LNX1: variants seen among roughly 807,000 people sequenced by gnomAD.
LNX1 encodes ligand of numb-protein X 1.
A neutral mutation model predicts 68.4 loss-of-function variants in LNX1; 54 were observed. The ratio of observed to expected loss-of-function variants is 0.79; its 90% CI spans 0.63 to 0.99. The LOEUF is 0.99. Among genes scored for constraint, LNX1 ranks in the 50% least tolerant of loss-of-function variants. LNX1 has a pLI of 0.00. For missense variants in LNX1, 906 were observed against 926.4 expected, an observed-to-expected ratio of 0.98 and a Z score of 0.29; for synonymous variants, 336 against 350.0, an observed-to-expected ratio of 0.96 and a Z score of 0.45.
At chr4:53,574,156 T>C (rs1731344157) in intron 1 of LNX1, 68 bp from the exon 2 acceptor site, 3 of 1,186,358 alleles carry the variant, frequency 2.5e-6, no homozygotes, top group Non-Finnish European at 2.3e-6. Context: ...ATGGTAGACA[T>C]GAGACAGGGC....
intron 1 of LNX1, among the ~76,000 whole-genome samples, chr4:53,632,653 A>G (rs991453283): frequency 1.3e-5 from 2 of 152,080 alleles, no homozygotes; most frequent in Non-Finnish European, 1.5e-5. Flanking sequence ...TGCTAAGAAC[A>G]CTTCCCTGGT....
chr4:53,502,434 C>T (rs1221217144), intron 4 of LNX1, among the ~76,000 whole-genome samples: 1 of 152,174 alleles, frequency 6.6e-6, no homozygotes, highest in African/African-American at 2.4e-5. Flanking sequence ...TTAAAATGTA[C>T]ATATCTCAAT....
chr4:53,460,093 A>T lies in LNX1; in HGVS notation c.*814T>A, dbSNP rs1243380691. 1 of 200,044 alleles carries T rather than the reference A, an allele frequency of 5.0e-6. No homozygotes were observed. Among genetic ancestry groups the T allele is most frequent in the African/African-American group, 2.3e-5 (1 of 43,402 alleles). The allele number at this position is 200,044 out of a possible 1,614,324, so 12.4% of individuals were successfully genotyped here. A position where few individuals can be genotyped will look rare whatever the true frequency, so the allele number is the denominator to read the frequency against. The stretch of plus-strand genomic sequence containing the variant: ...ACCCATAGTGTAGTTTCTAGGAGGC[A>T]TGTGTACACACACTCTTCATTGTGG... On this transcript the variant is annotated 3_prime_UTR_variant, in exon 11 of 11. Coordinates refer to ENST00000263925, the MANE Select transcript of LNX1 (RefSeq NM_001126328.3).
At chr4:53,505,829 CAA>C (rs1231869601) in intron 4 of LNX1, among the ~76,000 whole-genome samples, 17 of 152,128 alleles carry the variant, frequency 1.1e-4, no homozygotes. Flanking sequence ...CAGGAGGAGG[CAA>C]AGTCTTACAC....
chr4:53,530,911 C>T (rs1727972615), intron 2 of LNX1, among the ~76,000 whole-genome samples: 1 of 152,126 alleles, frequency 6.6e-6, no homozygotes, highest in Non-Finnish European at 1.5e-5. Flanking sequence ...CACCTGTAAT[C>T]CCAGCACCCT....
chr4:53,636,937 G>A (rs530887152), intron 1 of LNX1, among the ~76,000 whole-genome samples: 2 of 151,388 alleles, frequency 1.3e-5, no homozygotes, highest in Admixed American at 1.3e-4. Context: ...GCAGACCGCA[G>A]GTTCCCTCCC....
At position 53,556,277 on chromosome 4, in the gene LNX1, C is replaced by G. The variant is rs575871303; in HGVS notation, c.380+17346G>C. Among the ~76,000 whole-genome samples the G allele has an allele frequency of 1.1e-3, 169 of 152,268 alleles. 1 individual carries two copies. The highest frequency in any genetic ancestry group is 3.9e-3 in the African/African-American group (163 of 41,540). ...AGCCAAGGAACACCTGCAGCACCCCCCTCCACAAAACTAGAAGAATGCAAG... is the reference window on the plus strand; with the variant it reads ...AGCCAAGGAACACCTGCAGCACCCCGCTCCACAAAACTAGAAGAATGCAAG... On this transcript the variant is annotated intron_variant, in intron 2 of 10. Transcript: ENST00000263925.
intron 1 of LNX1, among the ~76,000 whole-genome samples, chr4:53,627,883 AGGGTTTCAAT>A (rs997179851): frequency 7.2e-5 from 11 of 152,192 alleles, no homozygotes; most frequent in Non-Finnish European, 1.3e-4. Context: ...TTTGAAGATG[AGGGTTTCAAT>A]GGGATGAATG....
At chr4:53,476,679 A>C in intron 9 of LNX1, 74 bp downstream of exon 9, 1 of 1,243,566 alleles carries the variant, frequency 8.0e-7, no homozygotes, top group Non-Finnish European at 1.2e-6. Context: ...TCAGCCCTAG[A>C]GAGTGAAAGA....
intron 9 of LNX1, among the ~76,000 whole-genome samples, chr4:53,466,212 G>A (rs1271665713): frequency 6.6e-6 from 1 of 152,048 alleles, no homozygotes; most frequent in Non-Finnish European, 1.5e-5. Context: ...TTTCAGAAAA[G>A]GTATGTCTTG....
rs745818534 is a variant in LNX1, at chr4:53,476,819, G to A, written c.1826C>T (p.Ser609Phe). 3 of 1,614,078 alleles carry A rather than the reference G, an allele frequency of 1.9e-6. No homozygotes were observed. Among genetic ancestry groups the A allele is most frequent in the African/African-American group, 2.7e-5 (2 of 74,924 alleles). Residue 609 changes from serine to phenylalanine, a missense_variant, in exon 9 of 11, where the codon TCC becomes TTC. By Grantham distance (155) the Ser-to-Phe change is radical. Transcript: ENST00000263925. The part of the protein sequence containing the change: ...EDCSSPAALD[S>F]NHNMAPPSDW... ...ACTGGGTGGGGCCATGTTGTGGTTG[G>A]AGTCCAGGGCTGCTGGGCTGCTGCA...
chr4:53,533,754 T>C (rs1728181337), intron 2 of LNX1, among the ~76,000 whole-genome samples: 1 of 151,980 alleles, frequency 6.6e-6, no homozygotes, highest in Non-Finnish European at 1.5e-5. Context: ...ATGTAGGGGG[T>C]AGAGGACAGG....
At chr4:53,510,853 T>C (rs140269130) in intron 2 of LNX1, among the ~76,000 whole-genome samples, 2 of 152,336 alleles carry the variant, frequency 1.3e-5, no homozygotes, top group East Asian at 3.9e-4. Context: ...GTACAAGCCA[T>C]GGCTTTGTTG....
At chr4:53,537,504 A>C (rs996600866) in intron 2 of LNX1, among the ~76,000 whole-genome samples, 1 of 152,244 alleles carries the variant, frequency 6.6e-6, no homozygotes, top group African/African-American at 2.4e-5. Context: ...CTTTTATAGC[A>C]ATACACAGTG....
At chr4:53,634,342 C>T (rs1041172614) in intron 1 of LNX1, among the ~76,000 whole-genome samples, 1 of 150,970 alleles carries the variant, frequency 6.6e-6, no homozygotes, top group South Asian at 2.1e-4. Context: ...CTCCTAGGTT[C>T]AAGCAATTCT....
intron 2 of LNX1, among the ~76,000 whole-genome samples, chr4:53,534,553 G>A (rs1302908639): frequency 1.3e-5 from 2 of 152,080 alleles, no homozygotes; most frequent in African/African-American, 2.4e-5. Context: ...GAGGTGGGAG[G>A]ATCACTTAAA....
At chr4:53,550,964 T>C (rs986880812) in intron 2 of LNX1, among the ~76,000 whole-genome samples, 2 of 152,190 alleles carry the variant, frequency 1.3e-5, no homozygotes, top group Admixed American at 1.3e-4. Flanking sequence ...GGGTTTGATT[T>C]AAAGCTCTCT....
At chr4:53,478,120 G>C (rs758603680) in intron 8 of LNX1, among the ~76,000 whole-genome samples, 4 of 152,122 alleles carry the variant, frequency 2.6e-5, no homozygotes, top group Non-Finnish European at 4.4e-5. Flanking sequence ...AAAGTATCCA[G>C]CATGATACTT....
chr4:53,476,826 G>C lies in LNX1; in HGVS notation c.1819C>G (p.Leu607Val). ...PQEDCSSPAA[L>V]DSNHNMAPPS... ...GGGGCCATGTTGTGGTTGGAGTCCA[G>C]GGCTGCTGGGCTGCTGCAGTCTTCC... Residue 607 changes from leucine to valine, a missense_variant, in exon 9 of 11, where the codon CTG becomes GTG. Coordinates refer to ENST00000263925, the MANE Select transcript of LNX1 (RefSeq NM_001126328.3). 1 of 1,614,174 alleles carries C rather than the reference G, an allele frequency of 6.2e-7. No homozygotes were observed. Among genetic ancestry groups the C allele is most frequent in the Non-Finnish European group, 8.5e-7 (1 of 1,180,018 alleles).
Sources: gnomAD v4.1 joint callset for allele counts (sites outside exome capture counted in the v4.1 genomes callset) on GRCh38, gnomAD v4.1.1 for gene constraint, MANE v1.5 for transcripts, NCBI Gene and HGNC (gene_info 2026-07-23, HGNC 2026-07-21) for gene names.